LIX1: variants seen among roughly 807,000 people sequenced by gnomAD.
The protein encoded by LIX1 is protein limb expression 1 homolog.
LIX1 carries 24 observed loss-of-function variants against 33.4 expected under a neutral mutation model. The ratio of observed to expected loss-of-function variants is 0.72; its 90% CI spans 0.52 to 1.01. The LOEUF is 1.01. Among genes scored for constraint, LIX1 ranks in the 50% least tolerant of loss-of-function variants. The pLI, the probability that LIX1 is intolerant of heterozygous loss-of-function variation, is 0.00. For synonymous variants in LIX1, 124 were observed against 124.0 expected (o/e 1.00, Z 0.00); for missense variants, 311 against 339.2 (o/e 0.92, Z 0.65).
In LIX1 at chr5:97,093,934, T is replaced by C. The variant is rs987687636; in HGVS notation, c.*814A>G. ...CCATTAATTTTTCTCTCTGTAGATA[T>C]ATGTTTGCAGTGGCAAAAAATAAGA... is the stretch of plus-strand genomic sequence containing the variant. On this transcript the variant is annotated 3_prime_UTR_variant, in exon 6 of 6. Transcript: ENST00000274382. 3 of 152,382 alleles carry C rather than the reference T, an allele frequency of 2.0e-5. No individual in the cohort carries two copies. Among genetic ancestry groups the C allele is most frequent in the Admixed American group, 6.5e-5 (1 of 15,288 alleles). 9.4% of individuals were successfully genotyped at this position (152,382 alleles called of 1,614,324 possible).
chr5:97,122,592 T>C (rs1226141852), intron 2 of LIX1, among the ~76,000 whole-genome samples: 3 of 152,232 alleles, frequency 2.0e-5, no homozygotes, highest in African/African-American at 7.2e-5. Flanking sequence ...GAGTTCATCT[T>C]GTTGATTCTG....
chr5:97,101,490 T>C (rs2112755230), intron 4 of LIX1, among the ~76,000 whole-genome samples: 1 of 152,346 alleles, frequency 6.6e-6, no homozygotes, highest in South Asian at 2.1e-4. Context: ...TGGCAAATTA[T>C]CTAGCTGGTC....
chr5:97,097,244 A>G (rs1746427933), intron 4 of LIX1, among the ~76,000 whole-genome samples: 1 of 152,222 alleles, frequency 6.6e-6, no homozygotes, highest in African/African-American at 2.4e-5. Flanking sequence ...ACATTGTATC[A>G]TTTTTTAAAA....
At chr5:97,117,558 A>G (rs566515537) in intron 2 of LIX1, among the ~76,000 whole-genome samples, 60 of 152,166 alleles carry the variant, frequency 3.9e-4, no homozygotes, top group Non-Finnish European at 7.9e-4. Flanking sequence ...ATTTAAATGT[A>G]CTTTTAATTC....
intron 3 of LIX1, 101 bp from the exon 4 acceptor site, chr5:97,105,386 G>A: frequency 1.1e-6 from 1 of 939,974 alleles, no homozygotes; most frequent in Non-Finnish European, 1.7e-6. Context: ...CCTATTTTTG[G>A]TCTAACCTGA....
Position 97,094,675 on chromosome 5 carries a change from G to T in LIX1, c.*73C>A, listed in dbSNP as rs572535693. The T allele has an allele frequency of 5.8e-5, 82 of 1,415,592 alleles. 1 individual carries two copies. In the South Asian group the frequency reaches 9.6e-4, roughly 17 times the overall value. The allele number at this position is 1,415,592 out of a possible 1,614,324, so 87.7% of individuals were successfully genotyped here. ...GTACTAGAGATGCTGGAGCCTCTGA[G>T]GACCTCTGCACTGAGATTCCTAATG... is the stretch of plus-strand genomic sequence containing the variant. On this transcript the variant is annotated 3_prime_UTR_variant, in exon 6 of 6. Coordinates refer to ENST00000274382, the MANE Select transcript of LIX1 (RefSeq NM_153234.5).
At chr5:97,123,225 A>G (rs965938212) in intron 2 of LIX1, among the ~76,000 whole-genome samples, 3 of 152,192 alleles carry the variant, frequency 2.0e-5, no homozygotes, top group Non-Finnish European at 4.4e-5. Context: ...CCGCTTAGAA[A>G]TGTAGAAGTT....
chr5:97,124,754 G>C (rs1415189639), intron 1 of LIX1, 125 bp from the exon 2 acceptor site: 8 of 590,338 alleles, frequency 1.4e-5, no homozygotes, highest in Non-Finnish European at 2.2e-5. Context: ...CTGGGTATGT[G>C]GATAGTGGGG....
intron 1 of LIX1, among the ~76,000 whole-genome samples, chr5:97,132,364 C>G (rs1476374925): frequency 6.6e-6 from 1 of 151,986 alleles, no homozygotes; most frequent in Non-Finnish European, 1.5e-5. Flanking sequence ...GCAGAATAAT[C>G]AAATAAATGC....
chr5:97,125,411 G>A (rs918463874), intron 1 of LIX1, among the ~76,000 whole-genome samples: 6 of 152,186 alleles, frequency 3.9e-5, no homozygotes, highest in Non-Finnish European at 7.3e-5. Flanking sequence ...GACCTTATAG[G>A]TCATGTAGGC....
intron 4 of LIX1, among the ~76,000 whole-genome samples, chr5:97,100,119 C>T (rs562180125): frequency 7.3e-4 from 111 of 152,338 alleles, no homozygotes; most frequent in Non-Finnish European, 1.4e-3. Flanking sequence ...TAACTGCTCT[C>T]CCCGCCCCAT....
intron 1 of LIX1, among the ~76,000 whole-genome samples, chr5:97,129,859 T>C (rs752991738): frequency 7.9e-5 from 12 of 152,342 alleles, no homozygotes; most frequent in East Asian, 1.9e-4. Context: ...GTTGGTAGTG[T>C]AGGCATGAGA....
chr5:97,138,492 C>T (rs928968042), intron 1 of LIX1, among the ~76,000 whole-genome samples: 10 of 152,178 alleles, frequency 6.6e-5, no homozygotes, highest in Admixed American at 2.6e-4. Context: ...TTTTCCGCAA[C>T]GCAACATAAG....
At chr5:97,129,174 C>G (rs316203) in intron 1 of LIX1, among the ~76,000 whole-genome samples, 63,312 of 151,962 alleles carry the variant, frequency 0.42, 13,416 homozygotes, top group South Asian at 0.51. Flanking sequence ...GCCCTTCTTT[C>G]CACTGTCTAT....
At chr5:97,110,585 T>C (rs1015375814) in intron 2 of LIX1, among the ~76,000 whole-genome samples, 3 of 152,196 alleles carry the variant, frequency 2.0e-5, no homozygotes, top group South Asian at 4.1e-4. Context: ...GCTGGGATTA[T>C]AGGCATGTGC....
intron 1 of LIX1, among the ~76,000 whole-genome samples, chr5:97,136,719 G>C (rs1029199997): frequency 6.6e-6 from 1 of 151,864 alleles, no homozygotes; most frequent in African/African-American, 2.4e-5. Flanking sequence ...TCAAAATAGG[G>C]ATCAACTGAT....
At chr5:97,120,833 T>C (rs1242534743) in intron 2 of LIX1, among the ~76,000 whole-genome samples, 2 of 152,184 alleles carry the variant, frequency 1.3e-5, no homozygotes, top group Admixed American at 6.5e-5. Flanking sequence ...TTACTTTCTA[T>C]TTTGAAATAA....
chr5:97,141,818 T>C (rs1177625269), intron 1 of LIX1, among the ~76,000 whole-genome samples: 1 of 152,144 alleles, frequency 6.6e-6, no homozygotes, highest in Non-Finnish European at 1.5e-5. Flanking sequence ...TGACAAATGG[T>C]TTAATAGTAT....
At chr5:97,113,279 C>T (rs986156418) in intron 2 of LIX1, among the ~76,000 whole-genome samples, 1 of 152,228 alleles carries the variant, frequency 6.6e-6, no homozygotes, top group Admixed American at 6.5e-5. Context: ...TTCCAGAAGA[C>T]CTTGAGCCAA....
Sources: allele counts gnomAD v4.1 joint callset (sites outside exome capture counted in the v4.1 genomes callset), GRCh38; gene constraint gnomAD v4.1.1; transcripts MANE v1.5; gene names NCBI Gene and HGNC (gene_info 2026-07-23, HGNC 2026-07-21).